The following RPS6KA6 variants were observed in gnomAD, a reference collection of about 807,000 sequenced individuals.
RPS6KA6 encodes ribosomal protein S6 kinase A6.
Under a neutral mutation model 65.4 loss-of-function variants are expected in RPS6KA6, and 27 were observed. The ratio of observed to expected loss-of-function variants is 0.41; its 90% CI spans 0.30 to 0.57. The LOEUF (loss-of-function observed/expected upper bound fraction) is 0.57, where lower values mean the gene tolerates loss of function less well. RPS6KA6 is among the 20% of genes least tolerant of loss of function. RPS6KA6 has a pLI of 0.24. For missense variants in RPS6KA6, 486 were observed against 555.6 expected (o/e 0.87, Z 1.26); for synonymous variants, 190 against 184.2 (o/e 1.03, Z -0.26).
intron 9 of RPS6KA6, among the ~76,000 whole-genome samples, chrX:84,118,740 T>C (rs1434314517): frequency 8.9e-6 from 1 of 111,818 alleles, no homozygotes; most frequent in African/African-American, 3.2e-5. Context: ...TACTTTGAAA[T>C]CTCTATAATC....
At chrX:84,161,028 T>C (rs750997682) in intron 2 of RPS6KA6, among the ~76,000 whole-genome samples, 5 of 110,833 alleles carry the variant, frequency 4.5e-5, no homozygotes, top group Non-Finnish European at 5.7e-5. Flanking sequence ...CATCTACAAA[T>C]TGGCAGTAAT....
chrX:84,106,654 C>T, intron 14 of RPS6KA6, among the ~76,000 whole-genome samples, 167 bp from the exon 15 acceptor site: 1 of 111,165 alleles, frequency 9.0e-6, no homozygotes, highest in Non-Finnish European at 1.9e-5. Context: ...TCTTGATACC[C>T]ACAGGCAACA....
At chrX:84,145,599 G>T in intron 5 of RPS6KA6, 42 bp from the exon 6 acceptor site, 1 of 725,099 alleles carries the variant, frequency 1.4e-6, no homozygotes, top group Non-Finnish European at 2.0e-6. Flanking sequence ...AATCTCAAAG[G>T]CTTAAAAAGC....
chrX:84,091,067 C>G (rs1330994581), intron 20 of RPS6KA6, among the ~76,000 whole-genome samples: 2 of 111,944 alleles, frequency 1.8e-5, no homozygotes, highest in Non-Finnish European at 3.8e-5. Flanking sequence ...AAGTTAAATT[C>G]TATATGCCTT....
chrX:84,114,515 CA>C (rs958025073), intron 12 of RPS6KA6, among the ~76,000 whole-genome samples: 6 of 108,161 alleles, frequency 5.5e-5, no homozygotes, highest in African/African-American at 1.7e-4. Flanking sequence ...AAAACAACAA[CA>C]AAAAAAAACA....
chrX:84,085,902 G>A (rs1007962683), intron 20 of RPS6KA6, among the ~76,000 whole-genome samples: 3 of 111,173 alleles, frequency 2.7e-5, no homozygotes, highest in African/African-American at 9.8e-5. Flanking sequence ...TGTCACAGGA[G>A]GGTGCATGTT....
chrX:84,096,221 G>A lies in RPS6KA6; in HGVS notation c.1944C>T (p.Asn648=). The part of the protein sequence containing the change: ...GNGKFSLSGG[N]WDNISDGAKD... Reference sequence around the variant, plus strand: ...TTGCTCCGTCTGAAATATTGTCCCAGTTTCCACCACTCAAAGAGAATTTTC... The same window carrying A: ...TTGCTCCGTCTGAAATATTGTCCCAATTTCCACCACTCAAAGAGAATTTTC... Residue 648 remains asparagine, a synonymous_variant, in exon 20 of 22, where the codon AAC becomes AAT. Coordinates refer to ENST00000262752, the MANE Select transcript of RPS6KA6 (RefSeq NM_014496.5). 8.4e-7 allele frequency: 1 copy of A among 1,187,710 alleles called. No individual in the cohort carries two copies.
chrX:84,069,075 T>C (rs989118092), intron 20 of RPS6KA6, among the ~76,000 whole-genome samples: 1 of 112,236 alleles, frequency 8.9e-6, no homozygotes, highest in Admixed American at 9.4e-5. Context: ...TTAAGTTTCA[T>C]ATGGAACCAA....
intron 1 of RPS6KA6, among the ~76,000 whole-genome samples, chrX:84,184,829 C>CAAA (rs11445430): frequency 0.01 from 201 of 19,621 alleles, 4 homozygotes; most frequent in East Asian, 0.044. Flanking sequence ...GACCCTGACT[C>CAAA]AAAAAAAAAA....
intron 1 of RPS6KA6, among the ~76,000 whole-genome samples, chrX:84,177,085 A>G (rs978360411): frequency 4.5e-5 from 5 of 111,889 alleles, no homozygotes; most frequent in Non-Finnish European, 9.4e-5. Flanking sequence ...CAGCCTTACT[A>G]CAGCTAATCA....
intron 1 of RPS6KA6, among the ~76,000 whole-genome samples, chrX:84,169,392 C>A (rs1251659426): frequency 9.5e-6 from 1 of 104,932 alleles, no homozygotes; most frequent in Non-Finnish European, 2.0e-5. Context: ...TATTATTGAC[C>A]AAAGCAACTC....
chrX:84,146,153 A>G (rs183220830), intron 5 of RPS6KA6, among the ~76,000 whole-genome samples: 43 of 111,711 alleles, frequency 3.8e-4, no homozygotes, highest in African/African-American at 1.2e-3. Context: ...TTTGCACACA[A>G]TAAGTGTTTA....
intron 6 of RPS6KA6, among the ~76,000 whole-genome samples, chrX:84,143,223 T>A (rs1167210846): frequency 2.7e-5 from 3 of 111,272 alleles, no homozygotes; most frequent in Non-Finnish European, 5.7e-5. Context: ...ATAATCTCAA[T>A]AAATGAAGAA....
chrX:84,091,731 T>C (rs139121297), intron 20 of RPS6KA6, among the ~76,000 whole-genome samples: 225 of 111,932 alleles, frequency 2.0e-3, no homozygotes, highest in Non-Finnish European at 3.9e-3. Context: ...ATTATGAAGA[T>C]ACATGCACGT....
At chrX:84,150,054 A>G (rs1026516671) in intron 3 of RPS6KA6, among the ~76,000 whole-genome samples, 1 of 99,758 alleles carries the variant, frequency 1.0e-5, no homozygotes, top group African/African-American at 3.4e-5. Context: ...ATTACCTTAC[A>G]CTTTTATGTT....
Position 84,146,845 on chromosome X carries a change from C to T in RPS6KA6, c.421+133G>A, listed in dbSNP as rs1026498686. On this transcript the variant is annotated intron_variant, in intron 5 of 21. Coordinates refer to ENST00000262752, the MANE Select transcript of RPS6KA6 (RefSeq NM_014496.5). ...ATTTATTTCAGACAAATACATTTTA[C>T]GTAGCTGAATATACTAAGTCTAAAG... 1.5e-4 allele frequency: 52 copies of T among 343,789 alleles called. 1 individual carries two copies. Among genetic ancestry groups the T allele is most frequent in the African/African-American group, 1.1e-3 (40 of 37,159 alleles). The allele number at this position is 343,789 out of a possible 1,213,427, so 28.3% of individuals were successfully genotyped here.
chrX:84,164,911 C>A (rs144444009), intron 1 of RPS6KA6, among the ~76,000 whole-genome samples: 1 of 111,602 alleles, frequency 9.0e-6, no homozygotes, highest in East Asian at 2.8e-4. Flanking sequence ...ACATGCAGAG[C>A]TCAGTAGGTA....
intron 3 of RPS6KA6, among the ~76,000 whole-genome samples, chrX:84,150,633 GCTCA>G (rs1419901470): frequency 1.8e-5 from 2 of 108,897 alleles, no homozygotes; most frequent in South Asian, 4.0e-4. Context: ...TATCAATGAA[GCTCA>G]CTGTCTTATG....
chrX:84,060,322 CA>C lies in RPS6KA6; in HGVS notation c.*3954del, dbSNP rs2033283568. On this transcript the variant is annotated 3_prime_UTR_variant, in exon 22 of 22. Coordinates refer to ENST00000262752, the MANE Select transcript of RPS6KA6 (RefSeq NM_014496.5). ...GCCAATATATACTTAATATGGCTTG[CA>C]TTTTTTTTTTTTTTTTTTTGAAATA... is the stretch of plus-strand genomic sequence containing the variant. The C allele has an allele frequency of 1.1e-5, 1 of 93,310 alleles. No individual in the cohort carries two copies. The highest frequency in any genetic ancestry group is 4.3e-5 in the African/African-American group (1 of 23,232). The allele number at this position is 93,310 out of a possible 1,213,427, so 7.7% of individuals were successfully genotyped here.
Sources: gnomAD v4.1 joint callset for allele counts (sites outside exome capture counted in the v4.1 genomes callset) on GRCh38, gnomAD v4.1.1 for gene constraint, MANE v1.5 for transcripts, NCBI Gene and HGNC (gene_info 2026-07-23, HGNC 2026-07-21) for gene names.